RANBP2: variants seen among roughly 807,000 people sequenced by gnomAD.
RANBP2 encodes the protein RAN binding protein 2.
A neutral mutation model predicts 303.6 loss-of-function variants in RANBP2; 57 were observed. That is an observed-to-expected ratio of 0.19 (90% CI 0.15 to 0.23). RANBP2 has a LOEUF of 0.23. Among genes scored for constraint, RANBP2 ranks in the 10% least tolerant of loss-of-function variants. RANBP2 has a pLI of 1.00. For synonymous variants in RANBP2, 1,167 were observed against 1,301.5 expected (o/e 0.90, Z 2.23); for missense variants, 3,138 against 3,780.8 (o/e 0.83, Z 4.46).
At chr2:109,309,250 C>G in the RANBP2 span, among the ~76,000 whole-genome samples, 31 of 145,966 alleles carry the variant, frequency 2.1e-4, no homozygotes, top group Admixed American at 7.5e-4. Flanking sequence ...TATAAGAATG[C>G]TTGTGATTTT....
At chr2:109,732,703 C>T in the RANBP2 span, 6 of 594,488 alleles carry the variant, frequency 1.0e-5, no homozygotes, top group African/African-American at 7.4e-5. Context: ...CTCCTGACCT[C>T]GTGATCCGCC....
chr2:109,483,077 A>C, the RANBP2 span, among the ~76,000 whole-genome samples: 3 of 152,178 alleles, frequency 2.0e-5, no homozygotes, highest in Non-Finnish European at 4.4e-5. Flanking sequence ...AATGCGTTGC[A>C]TATTTATATT....
the RANBP2 span, among the ~76,000 whole-genome samples, chr2:108,936,811 C>T: frequency 2.7e-4 from 41 of 152,184 alleles, no homozygotes; most frequent in African/African-American, 9.4e-4. Flanking sequence ...CTGCTTTAGT[C>T]GGATCTGTTT....
At chr2:109,078,868 G>A in the RANBP2 span, among the ~76,000 whole-genome samples, 32 of 151,752 alleles carry the variant, frequency 2.1e-4, no homozygotes, top group Middle Eastern at 3.4e-3. Context: ...GCACACACCC[G>A]TAGTCCCAGC....
the RANBP2 span, among the ~76,000 whole-genome samples, chr2:109,694,982 G>A: frequency 6.6e-6 from 1 of 151,986 alleles, no homozygotes; most frequent in Admixed American, 6.6e-5. Context: ...CTCTTTCCCA[G>A]TCTGTTTTCT....
chr2:109,155,174 C>T, the RANBP2 span, among the ~76,000 whole-genome samples: 1 of 152,224 alleles, frequency 6.6e-6, no homozygotes, highest in African/African-American at 2.4e-5. Context: ...ATTTTGCAAA[C>T]TACAACTTGC....
the RANBP2 span, among the ~76,000 whole-genome samples, chr2:109,019,023 A>G: frequency 6.6e-6 from 1 of 152,240 alleles, no homozygotes; most frequent in Non-Finnish European, 1.5e-5. Flanking sequence ...TTGTAGTCAC[A>G]GAGGCGCCTG....
chr2:109,156,054 A>T, the RANBP2 span, among the ~76,000 whole-genome samples: 1 of 152,148 alleles, frequency 6.6e-6, no homozygotes, highest in Admixed American at 6.5e-5. Context: ...AATCACCCGT[A>T]CTTTGGGAAG....
the RANBP2 span, chr2:108,794,834 C>G: frequency 1.2e-6 from 1 of 841,110 alleles, no homozygotes. Context: ...ATAAGTTTGT[C>G]AAGAGAAGGA....
At chr2:109,100,532 C>T in the RANBP2 span, among the ~76,000 whole-genome samples, 1 of 151,954 alleles carries the variant, frequency 6.6e-6, no homozygotes, top group East Asian at 1.9e-4. Context: ...AGGGAATAAA[C>T]CAAGAAAGAG....
At chr2:108,908,150 TACTGGGCACCTTGTGGGC>T in the RANBP2 span, 3 of 1,028,794 alleles carry the variant, frequency 2.9e-6, no homozygotes, top group Non-Finnish European at 4.2e-6. Context: ...TTCAGGTGTT[TACTGGGCACCTTGTGGGC>T]ACGGGACCAG....
chr2:109,154,884 G>A, the RANBP2 span, among the ~76,000 whole-genome samples: 1 of 152,218 alleles, frequency 6.6e-6, no homozygotes, highest in East Asian at 1.9e-4. Context: ...GGAGCAGAGC[G>A]AGCTCCAGCT....
chr2:109,399,007 G>A, the RANBP2 span: 1 of 1,480,958 alleles, frequency 6.8e-7, no homozygotes, highest in East Asian at 2.4e-5. Context: ...TCAGCTCCGT[G>A]TTCAGTGTCC....
the RANBP2 span, among the ~76,000 whole-genome samples, chr2:109,558,073 T>C: frequency 6.6e-6 from 1 of 152,188 alleles, no homozygotes. Context: ...ATTACAGGCG[T>C]GAACGACTGC....
intron 4 of RANBP2, 37 bp from the exon 5 acceptor site, chr2:108,735,495 G>T (rs1414993126): frequency 1.3e-6 from 2 of 1,596,910 alleles, no homozygotes; most frequent in Non-Finnish European, 1.7e-6. Context: ...TTGCACAAGT[G>T]TTACTCTAAT....
the RANBP2 span, among the ~76,000 whole-genome samples, chr2:109,523,634 C>G: frequency 5.9e-5 from 9 of 152,118 alleles, no homozygotes; most frequent in Admixed American, 5.2e-4. Flanking sequence ...GGAATTCCCA[C>G]TGGACACATG....
the RANBP2 span, among the ~76,000 whole-genome samples, chr2:109,458,572 CAGAGAGAGAGAG>C: frequency 7.3e-5 from 9 of 123,056 alleles, no homozygotes; most frequent in South Asian, 1.4e-3. Flanking sequence ...CAGCAGGAGA[CAGAGAGAGAGAG>C]AGAGAGAGAG....
At chr2:108,958,355 A>G in the RANBP2 span, among the ~76,000 whole-genome samples, 5 of 151,958 alleles carry the variant, frequency 3.3e-5, no homozygotes, top group Admixed American at 3.3e-4. Context: ...ATAAATACAC[A>G]GGGAATTGCT....
the RANBP2 span, among the ~76,000 whole-genome samples, chr2:109,404,888 T>C: frequency 0.048 from 7,317 of 152,212 alleles, 548 homozygotes; most frequent in African/African-American, 0.16. Flanking sequence ...CACTTGACGC[T>C]GTGGACAGCA....
Sources: allele counts gnomAD v4.1 joint callset (sites outside exome capture counted in the v4.1 genomes callset), GRCh38; gene constraint gnomAD v4.1.1; transcripts MANE v1.5; gene names NCBI Gene and HGNC (gene_info 2026-07-23, HGNC 2026-07-21).